IFNAR1: variants seen among roughly 807,000 people sequenced by gnomAD.
IFNAR1 encodes interferon alpha/beta receptor 1.
In IFNAR1, 47 loss-of-function variants were observed where a neutral mutation model predicts 62.1. The ratio of observed to expected loss-of-function variants is 0.76; its 90% confidence interval spans 0.60 to 0.97. The LOEUF (loss-of-function observed/expected upper bound fraction) is 0.97. IFNAR1 is among the 50% of genes least tolerant of loss of function. The probability of loss-of-function intolerance (pLI) is 0.00; values close to 1 mark genes in which losing one functional copy is unlikely to be tolerated. For synonymous variants in IFNAR1, 219 were observed against 226.9 expected, an observed-to-expected ratio of 0.97 and a Z score of 0.31; for missense variants, 638 against 654.5, an observed-to-expected ratio of 0.97 and a Z score of 0.27.
In IFNAR1 at chr21:33,343,672, C is replaced by T. The variant is rs774703000; in HGVS notation, c.669C>T (p.Thr223=). The change falls in exon 5 of 11, where the codon ACC becomes ACT. Residue 223 remains threonine (T), a synonymous_variant. Coordinates refer to ENST00000270139, the MANE Select transcript of IFNAR1 (RefSeq NM_000629.3). ...GVYSPVHCIK[T]TVENELPPPE... ...ATAGTCCAGTACATTGTATAAAGACCACAGGTAAGGAAGATGTTTTGTTTT... is the reference window on the plus strand; with the variant it reads ...ATAGTCCAGTACATTGTATAAAGACTACAGGTAAGGAAGATGTTTTGTTTT... 2 of 1,580,168 alleles carry T rather than the reference C, an allele frequency of 1.3e-6. No homozygotes were observed. The highest frequency in any genetic ancestry group is 1.4e-5 in the African/African-American group (1 of 72,978).
chr21:33,345,378 A>G lies in IFNAR1; in HGVS notation c.788+18A>G. On this transcript the variant is annotated intron_variant, in intron 6 of 10. Transcript: ENST00000270139. Reference sequence around the variant, plus strand: ...TGGCTCCAGTAAGTTCCATTCCATAAATTTCCTTTTGCCCAGTTTGTTTTG... The same window carrying G: ...TGGCTCCAGTAAGTTCCATTCCATAGATTTCCTTTTGCCCAGTTTGTTTTG... 7.4e-7 allele frequency: 1 copy of G among 1,360,340 alleles called. No homozygotes were observed. Among genetic ancestry groups the G allele is most frequent in the Non-Finnish European group, 1.1e-6 (1 of 949,766 alleles). The allele number at this position is 1,360,340 out of a possible 1,614,324, so 84.3% of individuals were successfully genotyped here.
Position 33,356,537 on chromosome 21 carries a change from A to C in IFNAR1, c.*988A>C, listed in dbSNP as rs1291375955. 1 of 152,210 alleles carries C rather than the reference A, an allele frequency of 6.6e-6. No homozygotes were observed. The highest frequency in any genetic ancestry group is 1.5e-5 in the Non-Finnish European group (1 of 68,036). 9.4% of individuals were successfully genotyped at this position (152,210 alleles called of 1,614,324 possible). A position where few individuals can be genotyped will look rare whatever the true frequency, so the allele number is the denominator to read the frequency against. ...ACATGGTTTAGGATTAAAGCCAGGC[A>C]ATCTTTTACTATGCATTAAGACCTC... On this transcript the variant is annotated 3_prime_UTR_variant, in exon 11 of 11. Transcript: ENST00000270139.
rs770206974 is a variant in IFNAR1 at position 33,355,333 on chromosome 21, A to G, written c.1458A>G (p.Pro486=). Residue 486 remains proline, a synonymous_variant, in exon 11 of 11, where the codon CCA becomes CCG. Coordinates refer to ENST00000270139, the MANE Select transcript of IFNAR1 (RefSeq NM_000629.3). ...TAAATTAGTATTTCTCTGAACAGCC[A>G]TTGAAGAATCTTCTGCTTTCAACTT... ...SSIDEYFSEQ[P]LKNLLLSTSE... 138 of 1,556,306 alleles carry G rather than the reference A, an allele frequency of 8.9e-5. 2 individuals are homozygous for G. The Admixed American group carries it at 1.6e-3, about 19-fold the overall frequency.
intron 8 of IFNAR1, among the ~76,000 whole-genome samples, chr21:33,351,553 T>TC (rs2083397725): frequency 7.5e-6 from 1 of 134,030 alleles, no homozygotes; most frequent in African/African-American, 3.1e-5. Flanking sequence ...TTTTATTTTA[T>TC]TTTTTTTTTT....
At chr21:33,354,610 A>G (rs2083430934) in intron 10 of IFNAR1, among the ~76,000 whole-genome samples, 1 of 152,194 alleles carries the variant, frequency 6.6e-6, no homozygotes, top group African/African-American at 2.4e-5. Flanking sequence ...AAGCTAGCAT[A>G]TTAAATGAAA....
At chr21:33,351,128 A>G (rs1228016508) in intron 8 of IFNAR1, among the ~76,000 whole-genome samples, 1 of 152,230 alleles carries the variant, frequency 6.6e-6, no homozygotes, top group Non-Finnish European at 1.5e-5. Flanking sequence ...TATGTAAGGT[A>G]CTATGCTAAG....
chr21:33,325,233 G>A (rs2083115319), intron 1 of IFNAR1, 102 bp downstream of exon 1: 2 of 1,029,980 alleles, frequency 1.9e-6, no homozygotes. Context: ...CGCCCAGTCT[G>A]GGAAACCTTC....
In IFNAR1 at chr21:33,352,408, G is replaced by C. The variant is rs62226370; in HGVS notation, c.1144-350G>C. Among the ~76,000 whole-genome samples, 13 of 152,114 alleles carry C rather than the reference G, an allele frequency of 8.5e-5. 1 individual carries two copies. Among genetic ancestry groups the C allele is most frequent in the African/African-American group, 3.1e-4 (13 of 41,494 alleles). ...ACTTGAGGCCAGGAGTTCAAGACCAGCCTGAACAACATGGTGAAACCCCAT... is the reference window on the plus strand; with the variant it reads ...ACTTGAGGCCAGGAGTTCAAGACCACCCTGAACAACATGGTGAAACCCCAT... On this transcript the variant is annotated intron_variant, in intron 8 of 10. Coordinates refer to ENST00000270139, the MANE Select transcript of IFNAR1 (RefSeq NM_000629.3).
chr21:33,340,512 C>A (rs1209796694), intron 2 of IFNAR1, among the ~76,000 whole-genome samples: 1 of 151,824 alleles, frequency 6.6e-6, no homozygotes, highest in Non-Finnish European at 1.5e-5. Flanking sequence ...GCATGTGCCA[C>A]CATGCCCTGC....
Position 33,358,256 on chromosome 21 carries a change from A to G in IFNAR1, c.*2707A>G, listed in dbSNP as rs887132688. On this transcript the variant is annotated 3_prime_UTR_variant, in exon 11 of 11. Coordinates refer to ENST00000270139, the MANE Select transcript of IFNAR1 (RefSeq NM_000629.3). ...TGCATTCCACTCTGCATTATGTTCTACATGTTGCTTTATCAGTATATGCTT... is the reference window on the plus strand; with the variant it reads ...TGCATTCCACTCTGCATTATGTTCTGCATGTTGCTTTATCAGTATATGCTT... The G allele has an allele frequency of 6.6e-6, 1 of 152,180 alleles. No individual in the cohort carries two copies. Among genetic ancestry groups the G allele is most frequent in the Non-Finnish European group, 1.5e-5 (1 of 68,028 alleles). The allele number at this position is 152,180 out of a possible 1,614,324, so 9.4% of individuals were successfully genotyped here.
chr21:33,334,547 C>G, intron 1 of IFNAR1: 1 of 495,790 alleles, frequency 2.0e-6, no homozygotes, highest in Non-Finnish European at 4.0e-6. Context: ...AGTTCATTAC[C>G]GCTAGAACTG....
At chr21:33,327,226 T>C (rs2123650426) in intron 1 of IFNAR1, among the ~76,000 whole-genome samples, 1 of 152,304 alleles carries the variant, frequency 6.6e-6, no homozygotes, top group East Asian at 1.9e-4. Context: ...AAAAAAGCTT[T>C]CCCAGAATTT....
intron 6 of IFNAR1, among the ~76,000 whole-genome samples, chr21:33,346,249 T>C (rs1042920839): frequency 3.3e-5 from 5 of 151,948 alleles, no homozygotes; most frequent in Middle Eastern, 3.4e-3. Flanking sequence ...AAGAAAGATA[T>C]ACATTGGTGG....
At chr21:33,334,992 T>C in intron 1 of IFNAR1, 2 of 1,559,100 alleles carry the variant, frequency 1.3e-6, no homozygotes, top group South Asian at 2.2e-5. Flanking sequence ...AGGCACTGCT[T>C]GGGCAGGTGA....
intron 1 of IFNAR1, 145 bp downstream of exon 1, chr21:33,325,276 A>C (rs1256704140): frequency 2.8e-6 from 2 of 708,920 alleles, no homozygotes; most frequent in Non-Finnish European, 4.8e-6. Flanking sequence ...ATTAAACCCG[A>C]CCTGGGCTCG....
At chr21:33,354,733 C>G (rs2083431566) in intron 10 of IFNAR1, among the ~76,000 whole-genome samples, 1 of 152,078 alleles carries the variant, frequency 6.6e-6, no homozygotes, top group Non-Finnish European at 1.5e-5. Flanking sequence ...AGCAAGTACC[C>G]TTGGCTGTAA....
Position 33,349,115 on chromosome 21 carries a change from A to G in IFNAR1, c.813A>G (p.Gly271=), listed in dbSNP as rs765843510. The part of the protein sequence containing the change: ...WLHAFLKRNP[G]NHLYKWKQIP... The stretch of plus-strand genomic sequence containing the variant: ...GCGCCTTTTTAAAAAGGAATCCTGG[A>G]AACCATTTGTATAAATGGAAACAAA... The change falls in exon 7 of 11, where the codon GGA becomes GGG. Residue 271 remains glycine, a synonymous_variant. Transcript: ENST00000270139. The G allele has an allele frequency of 6.2e-7, 1 of 1,600,734 alleles. No homozygotes were observed.
Position 33,325,364 on chromosome 21 carries a change from G to GC in IFNAR1, c.76+236dup, listed in dbSNP as rs2083116931. Among the ~76,000 whole-genome samples the GC allele has an allele frequency of 4.6e-5, 7 of 152,316 alleles. No individual in the cohort carries two copies. The South Asian group carries it at 1.4e-3, about 32-fold the overall frequency. On this transcript the variant is annotated intron_variant, in intron 1 of 10. Coordinates refer to ENST00000270139, the MANE Select transcript of IFNAR1 (RefSeq NM_000629.3). The stretch of plus-strand genomic sequence containing the variant: ...TGGCCGTGTACGGGTCCTCGGGAGC[G>GC]CCCGGGTCCCACCCCCGTGAAATGG...
intron 1 of IFNAR1, among the ~76,000 whole-genome samples, chr21:33,330,256 C>T (rs937451243): frequency 3.3e-5 from 5 of 152,112 alleles, no homozygotes; most frequent in South Asian, 2.1e-4. Flanking sequence ...AAGAGATGGG[C>T]GGTTGTTGTT....
Sources: allele counts gnomAD v4.1 joint callset (sites outside exome capture counted in the v4.1 genomes callset), GRCh38; gene constraint gnomAD v4.1.1; transcripts MANE v1.5; gene names NCBI Gene and HGNC (gene_info 2026-07-23, HGNC 2026-07-21).